CNTN4: variants seen among roughly 807,000 people sequenced by gnomAD.
CNTN4 encodes contactin-4.
In CNTN4, 77 loss-of-function variants were observed where a neutral mutation model predicts 122.5. The observed-to-expected ratio is 0.63, with a 90% CI of 0.52 to 0.76. CNTN4 has a LOEUF of 0.76. CNTN4 is among the 30% of genes least tolerant of loss of function. CNTN4 has a pLI of 0.00. For synonymous variants in CNTN4, 512 were observed against 447.0 expected, an observed-to-expected ratio of 1.15 and a Z score of -1.83; for missense variants, 1,256 against 1,259.1, an observed-to-expected ratio of 1.00 and a Z score of 0.04.
chr3:3,007,497 A>T (rs1696775192), intron 14 of CNTN4, among the ~76,000 whole-genome samples: 1 of 152,244 alleles, frequency 6.6e-6, no homozygotes, highest in African/African-American at 2.4e-5. Context: ...GCCTGTGGTT[A>T]TCTATAATAT....
chr3:2,911,633 C>T lies in CNTN4; in HGVS notation c.1207+8628C>T, dbSNP rs563949001. Among the ~76,000 whole-genome samples the T allele has an allele frequency of 5.5e-4, 84 of 152,154 alleles. 1 individual carries two copies. Among genetic ancestry groups the T allele is most frequent in the East Asian group, 1.4e-3 (7 of 5,168 alleles). ...ATTACCAAAGAATTCTAATTATTCT[C>T]ATAAAGACGCTCAAGGAATTAAGAG... On this transcript the variant is annotated intron_variant, in intron 12 of 24. Transcript: ENST00000418658.
At chr3:2,818,943 G>A (rs1004637393) in intron 6 of CNTN4, among the ~76,000 whole-genome samples, 3 of 152,184 alleles carry the variant, frequency 2.0e-5, no homozygotes, top group Admixed American at 6.5e-5. Context: ...GGTATATATG[G>A]AGAGACAAGT....
intron 6 of CNTN4, among the ~76,000 whole-genome samples, chr3:2,758,970 C>T (rs1289902296): frequency 6.6e-6 from 1 of 152,092 alleles, no homozygotes; most frequent in African/African-American, 2.4e-5. Flanking sequence ...AAGATAAAAC[C>T]TGTAACCGTT....
At chr3:2,208,799 C>T (rs1050736398) in intron 2 of CNTN4, among the ~76,000 whole-genome samples, 11 of 152,128 alleles carry the variant, frequency 7.2e-5, no homozygotes, top group African/African-American at 2.7e-4. Context: ...ACAAGACCCT[C>T]TACCAGCAAC....
At chr3:2,561,534 G>T (rs1430320027) in intron 3 of CNTN4, among the ~76,000 whole-genome samples, 2 of 152,042 alleles carry the variant, frequency 1.3e-5, no homozygotes, top group African/African-American at 2.4e-5. Flanking sequence ...CCCTGTATTT[G>T]TGGTCTCCCA....
intron 10 of CNTN4, among the ~76,000 whole-genome samples, chr3:2,888,607 A>C (rs1169932887): frequency 6.6e-6 from 1 of 152,076 alleles, no homozygotes; most frequent in Non-Finnish European, 1.5e-5. Context: ...TCCTTTCATA[A>C]ATATCCATGA....
chr3:2,935,622 C>A (rs191715308), intron 13 of CNTN4, among the ~76,000 whole-genome samples: 1 of 152,334 alleles, frequency 6.6e-6, no homozygotes, highest in African/African-American at 2.4e-5. Flanking sequence ...TAATTTAAAT[C>A]AAGGTTCTAC....
At chr3:2,155,123 G>T (rs1397527557) in intron 2 of CNTN4, among the ~76,000 whole-genome samples, 2 of 152,154 alleles carry the variant, frequency 1.3e-5, no homozygotes, top group African/African-American at 4.8e-5. Context: ...AAAAGCTTGG[G>T]ATCATAATAC....
At chr3:2,851,137 T>C (rs1447298786) in intron 7 of CNTN4, among the ~76,000 whole-genome samples, 1 of 152,238 alleles carries the variant, frequency 6.6e-6, no homozygotes, top group Non-Finnish European at 1.5e-5. Context: ...TTAACACTTA[T>C]TTGCATCCAC....
intron 4 of CNTN4, among the ~76,000 whole-genome samples, chr3:2,591,025 A>T (rs1301186713): frequency 6.6e-6 from 1 of 152,126 alleles, no homozygotes; most frequent in African/African-American, 2.4e-5. Flanking sequence ...TTTGTGGAGG[A>T]TCCTTGTTAT....
chr3:2,142,565 C>T lies in CNTN4; in HGVS notation c.-145+41926C>T, dbSNP rs181551530. ...TTTAGTAGAGATGGGCTGGTCTCGA[C>T]GTCCTGACTGCAAGTGATCTGCCCG... is the stretch of plus-strand genomic sequence containing the variant. On this transcript the variant is annotated intron_variant, in intron 2 of 24. Transcript: ENST00000418658. Among the ~76,000 whole-genome samples, 14 of 152,134 alleles carry T rather than the reference C, an allele frequency of 9.2e-5. No individual in the cohort carries two copies. The East Asian group carries it at 1.2e-3, about 13-fold the overall frequency.
intron 2 of CNTN4, among the ~76,000 whole-genome samples, chr3:2,288,807 T>C (rs1362887002): frequency 6.6e-6 from 1 of 152,158 alleles, no homozygotes; most frequent in African/African-American, 2.4e-5. Flanking sequence ...AGGAAAATGT[T>C]GGCTGGAAAA....
At chr3:2,542,415 T>C (rs2078069126) in intron 3 of CNTN4, among the ~76,000 whole-genome samples, 1 of 152,102 alleles carries the variant, frequency 6.6e-6, no homozygotes, top group Non-Finnish European at 1.5e-5. Flanking sequence ...ACAGTATAGA[T>C]AGGAGACAGA....
intron 3 of CNTN4, among the ~76,000 whole-genome samples, chr3:2,368,488 T>C (rs1450585771): frequency 1.3e-5 from 2 of 152,208 alleles, no homozygotes; most frequent in African/African-American, 4.8e-5. Flanking sequence ...CTATCCTATG[T>C]GCAAGTTCTC....
rs539097659 is a variant in CNTN4 at position 2,965,173 on chromosome 3, G to A, written c.1359-23172G>A. Among the ~76,000 whole-genome samples the A allele has an allele frequency of 1.6e-3, 247 of 152,244 alleles. 1 individual carries two copies. The highest frequency in any genetic ancestry group is 2.0e-3 in the Non-Finnish European group (139 of 68,022). ...AACTTAAATTCAGCTGATCATCACC[G>A]TCATACAAAACTTCCTCCCACATTC... On this transcript the variant is annotated intron_variant, in intron 13 of 24. Transcript: ENST00000418658.
At chr3:2,147,501 T>G (rs1459372255) in intron 2 of CNTN4, among the ~76,000 whole-genome samples, 1 of 152,202 alleles carries the variant, frequency 6.6e-6, no homozygotes, top group Non-Finnish European at 1.5e-5. Context: ...ATTTGTTAAT[T>G]ATTTTTTATG....
chr3:2,253,473 C>G (rs1221900490), intron 2 of CNTN4, among the ~76,000 whole-genome samples: 1 of 152,050 alleles, frequency 6.6e-6, no homozygotes. Flanking sequence ...TACCATAATT[C>G]TAGAATTTAC....
intron 6 of CNTN4, among the ~76,000 whole-genome samples, chr3:2,752,849 A>G (rs1197142732): frequency 6.6e-6 from 1 of 152,108 alleles, no homozygotes. Flanking sequence ...TTTAGCTTCC[A>G]CATACAATTG....
chr3:2,706,337 A>T (rs2086735561), intron 4 of CNTN4, among the ~76,000 whole-genome samples: 1 of 152,100 alleles, frequency 6.6e-6, no homozygotes, highest in Non-Finnish European at 1.5e-5. Flanking sequence ...ATTTCTGAGA[A>T]AATAGTAGCA....
Sources: allele counts gnomAD v4.1 joint callset (sites outside exome capture counted in the v4.1 genomes callset), GRCh38; gene constraint gnomAD v4.1.1; transcripts MANE v1.5; gene names NCBI Gene and HGNC (gene_info 2026-07-23, HGNC 2026-07-21).